The following ESR2 variants were observed in gnomAD, a reference collection of about 807,000 sequenced individuals.
ESR2 encodes estrogen receptor 2.
In ESR2, 36 loss-of-function variants were observed where a neutral mutation model predicts 49.6. That is an observed-to-expected ratio of 0.73 (90% CI 0.56 to 0.96). The LOEUF (loss-of-function observed/expected upper bound fraction) is 0.96, where lower values mean the gene tolerates loss of function less well. ESR2 is among the 40% of genes least tolerant of loss of function. The pLI, the probability that ESR2 is intolerant of heterozygous loss-of-function variation, is 0.00. For synonymous variants in ESR2, 320 were observed against 266.1 expected (o/e 1.20, Z -1.97); for missense variants, 714 against 693.0 (o/e 1.03, Z -0.34).
At chr14:64,227,793 AT>A, downstream of ESR2, 1 of 1,548,864 alleles carries the variant, frequency 6.5e-7, no homozygotes, top group Middle Eastern at 1.7e-4. Context: ...AGCTCAGTGT[AT>A]TCCCAAAACT....
chr14:64,247,034 C>G (rs2075875034), intron 7 of ESR2, among the ~76,000 whole-genome samples: 1 of 152,128 alleles, frequency 6.6e-6, no homozygotes, highest in East Asian at 1.9e-4. Context: ...GGGCTAACCC[C>G]ACCCTCCACC....
At chr14:64,268,304 A>G (rs1481585522) in intron 4 of ESR2, among the ~76,000 whole-genome samples, 1 of 152,104 alleles carries the variant, frequency 6.6e-6, no homozygotes, top group African/African-American at 2.4e-5. Context: ...ACTCCTACAT[A>G]TTTTTCTACT....
chr14:64,310,327 G>A, intron 1 of ESR2, among the ~76,000 whole-genome samples: 1 of 140,236 alleles, frequency 7.1e-6, no homozygotes, highest in South Asian at 2.2e-4. Flanking sequence ...AATTCTGGGT[G>A]TAGAGCAGCT....
At chr14:64,305,009 G>A (rs190260857) in intron 1 of ESR2, among the ~76,000 whole-genome samples, 48 of 152,170 alleles carry the variant, frequency 3.2e-4, no homozygotes, top group African/African-American at 1.1e-3. Flanking sequence ...ATTAATAGGC[G>A]GCCAGGCGTG....
rs547483990 is a variant in ESR2, at chr14:64,246,646, C to T, written c.1225+2900G>A. On this transcript the variant is annotated intron_variant, in intron 7 of 8. Transcript: ENST00000341099. The stretch of plus-strand genomic sequence containing the variant: ...GGATGCTGAGGCATCGCTTGAGAAT[C>T]ACTTGAACCTGGGAGGCGGAGGTTT... Among the ~76,000 whole-genome samples the T allele has an allele frequency of 2.1e-5, 3 of 140,084 alleles. No homozygotes were observed. In the East Asian group the frequency reaches 6.9e-4, roughly 32 times the overall value. 91.9% of individuals were successfully genotyped at this position (140,084 alleles called of 152,430 possible). A position where few individuals can be genotyped will look rare whatever the true frequency, so the allele number is the denominator to read the frequency against.
intron 6 of ESR2, among the ~76,000 whole-genome samples, 161 bp downstream of exon 6, chr14:64,257,065 T>C (rs556030047): frequency 7.9e-5 from 12 of 152,232 alleles, no homozygotes; most frequent in African/African-American, 2.6e-4. Flanking sequence ...GACCCAACTC[T>C]CTCCTTCTCT....
chr14:64,243,378 T>C (rs932205643), intron 7 of ESR2, among the ~76,000 whole-genome samples: 20 of 152,342 alleles, frequency 1.3e-4, no homozygotes, highest in African/African-American at 4.8e-4. Flanking sequence ...CAAAGTGTTA[T>C]CAAAATTTGA....
intron 6 of ESR2, among the ~76,000 whole-genome samples, chr14:64,250,004 T>C (rs1040169240): frequency 2.0e-5 from 3 of 152,262 alleles, no homozygotes; most frequent in Admixed American, 6.5e-5. Flanking sequence ...ACCACTCCTA[T>C]TGATTGTTTT....
At chr14:64,285,035 G>T (rs1481188472) in intron 1 of ESR2, among the ~76,000 whole-genome samples, 2 of 151,960 alleles carry the variant, frequency 1.3e-5, no homozygotes, top group East Asian at 3.9e-4. Context: ...ATTTTTAGTA[G>T]AGACGGCGTT....
At chr14:64,323,322 C>T (rs1290542951) in intron 1 of ESR2, among the ~76,000 whole-genome samples, 4 of 152,022 alleles carry the variant, frequency 2.6e-5, no homozygotes, top group African/African-American at 7.2e-5. Flanking sequence ...ATTCTCCCAC[C>T]TCAGCCTCCC....
downstream of ESR2, chr14:64,227,409 CT>C (rs1208896694): frequency 8.8e-7 from 1 of 1,138,982 alleles, no homozygotes; most frequent in Non-Finnish European, 1.2e-6. Flanking sequence ...ACATAACTAA[CT>C]TCAAAGTATT....
chr14:64,299,933 TTCTCA>T (rs2077003437), intron 1 of ESR2, among the ~76,000 whole-genome samples: 1 of 152,178 alleles, frequency 6.6e-6, no homozygotes, highest in Admixed American at 6.5e-5. Flanking sequence ...TCCTTTTACA[TTCTCA>T]CATATTATTT....
At chr14:64,272,765 A>C (rs2076476566) in intron 3 of ESR2, among the ~76,000 whole-genome samples, 1 of 152,162 alleles carries the variant, frequency 6.6e-6, no homozygotes, top group Non-Finnish European at 1.5e-5. Flanking sequence ...TTTGGTTGCT[A>C]TAGCTCTATG....
In ESR2 at chr14:64,268,866, T is replaced by C; in HGVS notation, c.581A>G (p.Asp194Gly). 1.2e-6 allele frequency: 2 copies of C among 1,613,842 alleles called. No homozygotes were observed. Among genetic ancestry groups the C allele is most frequent in the African/African-American group, 1.3e-5 (1 of 75,052 alleles). ...ICPATNQCTI[D>G]KNRRKSCQAC... ...CTGGCAGCTCTTGCGCCGGTTTTTA[T>C]CGATTGTACACTGATTTGTAGCTGG... Residue 194 changes from aspartate (D) to glycine (G), a missense_variant, in exon 4 of 9, where the codon GAT becomes GGT. Transcript: ENST00000341099.
chr14:64,274,113 A>ATT (rs61539406), intron 3 of ESR2, among the ~76,000 whole-genome samples: 40 of 141,928 alleles, frequency 2.8e-4, no homozygotes, highest in African/African-American at 3.6e-4. Context: ...CTAATTTGTA[A>ATT]TTTTTTTTTT....
chr14:64,333,857 T>C (rs920492622), intron 1 of ESR2, among the ~76,000 whole-genome samples: 2 of 152,302 alleles, frequency 1.3e-5, no homozygotes, highest in South Asian at 2.1e-4. Context: ...GAAGTTTGTT[T>C]TGAAGATTCT....
intron 1 of ESR2, among the ~76,000 whole-genome samples, chr14:64,288,872 G>A (rs986696197): frequency 6.6e-6 from 1 of 151,024 alleles, no homozygotes; most frequent in Non-Finnish European, 1.5e-5. Context: ...TGTAAACCCA[G>A]CTACTCAGAA....
At chr14:64,317,590 C>G (rs1463594184) in intron 1 of ESR2, among the ~76,000 whole-genome samples, 1 of 152,214 alleles carries the variant, frequency 6.6e-6, no homozygotes, top group Non-Finnish European at 1.5e-5. Context: ...ATAACCCAAA[C>G]ACCTCTCACC....
intron 3 of ESR2, among the ~76,000 whole-genome samples, chr14:64,269,186 T>C (rs2076390086): frequency 6.6e-6 from 1 of 152,226 alleles, no homozygotes; most frequent in Admixed American, 6.5e-5. Context: ...ATATATCCTT[T>C]GGATGTGGAA....
Sources: gnomAD v4.1 joint callset for allele counts (sites outside exome capture counted in the v4.1 genomes callset) on GRCh38, gnomAD v4.1.1 for gene constraint, MANE v1.5 for transcripts, NCBI Gene and HGNC (gene_info 2026-07-23, HGNC 2026-07-21) for gene names.